The following MPC1 variants were observed in gnomAD, a reference collection of about 807,000 sequenced individuals.
The protein encoded by MPC1 is HSPC040 protein.
MPC1 carries 6 observed loss-of-function variants against 13.9 expected under a neutral mutation model. The ratio of observed to expected loss-of-function variants is 0.43; its 90% CI spans 0.24 to 0.85. The LOEUF is 0.85. Ranked by LOEUF, MPC1 falls within the 40% of genes least tolerant of loss-of-function variation. The pLI is 0.24. For synonymous variants in MPC1, 47 were observed against 50.5 expected, an observed-to-expected ratio of 0.93 and a Z score of 0.29; for missense variants, 115 against 143.3, an observed-to-expected ratio of 0.80 and a Z score of 1.01.
chr6:166,369,991 T>C, intron 2 of MPC1: 1 of 688,970 alleles, frequency 1.5e-6, no homozygotes, highest in Non-Finnish European at 2.7e-6. Flanking sequence ...ATTATATGCT[T>C]GTTTCTAAAA....
intron 1 of MPC1, among the ~76,000 whole-genome samples, chr6:166,379,120 T>G (rs1361948576): frequency 1.3e-5 from 2 of 152,186 alleles, no homozygotes; most frequent in African/African-American, 4.8e-5. Flanking sequence ...AGTCCACACA[T>G]TATCTTTGGT....
chr6:166,374,837 A>C (rs552053253), intron 1 of MPC1, among the ~76,000 whole-genome samples: 1 of 152,304 alleles, frequency 6.6e-6, no homozygotes, highest in Non-Finnish European at 1.5e-5. Context: ...TGTCTGGATT[A>C]CTGTGGCTCT....
chr6:166,378,733 C>T (rs916432464), intron 1 of MPC1, among the ~76,000 whole-genome samples: 1 of 152,128 alleles, frequency 6.6e-6, no homozygotes, highest in East Asian at 1.9e-4. Context: ...GATTCAAGAT[C>T]CTAATCAAGG....
At chr6:166,376,691 A>G (rs1174988239) in intron 1 of MPC1, among the ~76,000 whole-genome samples, 2 of 152,222 alleles carry the variant, frequency 1.3e-5, no homozygotes, top group African/African-American at 4.8e-5. Flanking sequence ...TTTTTGGAGC[A>G]TTGATCCCAT....
intron 2 of MPC1, 77 bp downstream of exon 2, chr6:166,370,141 G>T: frequency 1.3e-6 from 1 of 780,464 alleles, no homozygotes; most frequent in East Asian, 2.4e-5. Flanking sequence ...TGCAAAGGAT[G>T]CTAAGCCTGT....
chr6:166,365,872 A>G lies in MPC1; in HGVS notation c.305+102T>C. 1 of 1,467,156 alleles carries G rather than the reference A, an allele frequency of 6.8e-7. No individual in the cohort carries two copies. Among genetic ancestry groups the G allele is most frequent in the East Asian group, 2.3e-5 (1 of 43,760 alleles). The allele number at this position is 1,467,156 out of a possible 1,614,324, so 90.9% of individuals were successfully genotyped here. ...CCCAACTGCTAAAGCGCATCTATAC[A>G]CACTCCAGTCCCGCAGCACTCCCTC... On this transcript the variant is annotated intron_variant, in intron 4 of 4. Coordinates refer to ENST00000360961, the MANE Select transcript of MPC1 (RefSeq NM_016098.4). The surrounding 1 kb of genome is among the most constrained non-coding windows in gnomAD (Gnocchi z 4.2).
chr6:166,377,215 G>A (rs1160286593), intron 1 of MPC1, among the ~76,000 whole-genome samples: 1 of 148,760 alleles, frequency 6.7e-6, no homozygotes, highest in African/African-American at 2.5e-5. Context: ...GACCCATGCC[G>A]GCACCCAGGC....
Position 166,365,222 on chromosome 6 carries a change from CTT to C in MPC1, c.*205_*206del, listed in dbSNP as rs1339750702. 4.8e-6 allele frequency: 2 copies of C among 414,100 alleles called. No individual in the cohort carries two copies. Among genetic ancestry groups the C allele is most frequent in the African/African-American group, 4.1e-5 (2 of 48,576 alleles). 25.7% of individuals were successfully genotyped at this position (414,100 alleles called of 1,614,324 possible). A position where few individuals can be genotyped will look rare whatever the true frequency, so the allele number is the denominator to read the frequency against. On this transcript the variant is annotated 3_prime_UTR_variant, in exon 5 of 5. Coordinates refer to ENST00000360961, the MANE Select transcript of MPC1 (RefSeq NM_016098.4). This position sits in a 1 kb window ranked among gnomAD's most constrained non-coding sequence, Gnocchi z 4.2. ...AATTAATTGCATATTTTGAGCTACT[CTT>C]TATGGAAAGAAGTAAAATATTTAAT...
intron 1 of MPC1, among the ~76,000 whole-genome samples, chr6:166,378,420 G>A (rs1779647968): frequency 6.7e-6 from 1 of 148,246 alleles, no homozygotes; most frequent in Admixed American, 6.8e-5. Context: ...ACAAATACAT[G>A]TGTGTGTGTG....
rs1016616353 is a variant in MPC1 at position 166,365,865 on chromosome 6, T to C, written c.305+109A>G. ...TTGTTTCCCCAACTGCTAAAGCGCA[T>C]CTATACACACTCCAGTCCCGCAGCA... On this transcript the variant is annotated intron_variant, in intron 4 of 4. Coordinates refer to ENST00000360961, the MANE Select transcript of MPC1 (RefSeq NM_016098.4). This position sits in a 1 kb window ranked among gnomAD's most constrained non-coding sequence, Gnocchi z 4.2. 4.2e-6 allele frequency: 6 copies of C among 1,423,564 alleles called. No homozygotes were observed. The highest frequency in any genetic ancestry group is 5.7e-6 in the Non-Finnish European group (6 of 1,049,604). 88.2% of individuals were successfully genotyped at this position (1,423,564 alleles called of 1,614,324 possible).
chr6:166,368,969 G>A (rs1779273388), intron 2 of MPC1: 1 of 984,044 alleles, frequency 1.0e-6, no homozygotes, highest in Non-Finnish European at 1.2e-6. Flanking sequence ...ATTCTAAGAG[G>A]GGCATATAAA....
intron 1 of MPC1, among the ~76,000 whole-genome samples, chr6:166,378,853 C>G (rs938051335): frequency 1.3e-5 from 2 of 152,136 alleles, no homozygotes; most frequent in African/African-American, 4.8e-5. Context: ...TTACTTTTGT[C>G]AAGCGCTATA....
At chr6:166,379,118 C>T (rs1430796803) in intron 1 of MPC1, among the ~76,000 whole-genome samples, 2 of 152,180 alleles carry the variant, frequency 1.3e-5, no homozygotes, top group Non-Finnish European at 2.9e-5. Flanking sequence ...AAAGTCCACA[C>T]ATTATCTTTG....
At chr6:166,372,329 A>G (rs979989430) in intron 1 of MPC1, among the ~76,000 whole-genome samples, 6 of 152,222 alleles carry the variant, frequency 3.9e-5, no homozygotes, top group African/African-American at 1.4e-4. Flanking sequence ...CTCTCCTTAA[A>G]TCATACAACA....
intron 1 of MPC1, among the ~76,000 whole-genome samples, chr6:166,379,478 A>AT (rs1185470779): frequency 2.7e-5 from 4 of 149,330 alleles, no homozygotes; most frequent in Non-Finnish European, 4.4e-5. Context: ...TGGGTGACAG[A>AT]GTAATACCCT....
At chr6:166,369,869 T>C in intron 2 of MPC1, 1 of 418,048 alleles carries the variant, frequency 2.4e-6, no homozygotes, top group Non-Finnish European at 4.5e-6. Context: ...GGAAATGAAC[T>C]CCACCCTACA....
Position 166,378,658 on chromosome 6 carries a change from A to G in MPC1, c.71+4148T>C, listed in dbSNP as rs112702615. On this transcript the variant is annotated intron_variant, in intron 1 of 4. Coordinates refer to ENST00000360961, the MANE Select transcript of MPC1 (RefSeq NM_016098.4). The stretch of plus-strand genomic sequence containing the variant: ...AGAGCTCTCTTTTTCTATTCTGTCA[A>G]TAAGAAAGGTGAGGGAATAGTTTCT... 8.2e-4 allele frequency among the ~76,000 whole-genome samples: 125 copies of G among 152,326 alleles called. 1 individual carries two copies. The highest frequency in any genetic ancestry group is 2.8e-3 in the African/African-American group (117 of 41,562).
chr6:166,368,655 A>G (rs6456079), intron 2 of MPC1: 371,023 of 498,074 alleles, frequency 0.74, 139,797 homozygotes, highest in East Asian at 0.96. Context: ...ATTTAGATGC[A>G]ATATGGCCAG....
At chr6:166,366,928 A>C (rs1554265073) in intron 2 of MPC1, 37 bp from the exon 3 acceptor site, 2 of 1,613,464 alleles carry the variant, frequency 1.2e-6, no homozygotes, top group South Asian at 2.2e-5. Flanking sequence ...AAGAGAGGAA[A>C]AAGTTAAGAC....
Sources: allele counts gnomAD v4.1 joint callset (sites outside exome capture counted in the v4.1 genomes callset), GRCh38; gene constraint gnomAD v4.1.1; non-coding constraint Gnocchi (gnomAD v3.1); transcripts MANE v1.5; gene names NCBI Gene and HGNC (gene_info 2026-07-23, HGNC 2026-07-21).